RSRC1: variants seen among roughly 807,000 people sequenced by gnomAD.
RSRC1 encodes serine/Arginine-related protein 53.
A neutral mutation model predicts 49.1 loss-of-function variants in RSRC1; 39 were observed. That is an observed-to-expected ratio of 0.79 (90% CI 0.61 to 1.04). RSRC1 has a LOEUF of 1.04. RSRC1 is among the 50% of genes least tolerant of loss of function. The pLI, the probability that RSRC1 is intolerant of heterozygous loss-of-function variation, is 0.00. For synonymous variants in RSRC1, 143 were observed against 130.8 expected (o/e 1.09, Z -0.63); for missense variants, 388 against 402.4 (o/e 0.96, Z 0.31).
chr3:158,257,760 T>C (rs2108027610), intron 4 of RSRC1, among the ~76,000 whole-genome samples: 1 of 152,310 alleles, frequency 6.6e-6, no homozygotes, highest in Non-Finnish European at 1.5e-5. Context: ...ATGATTTTCT[T>C]TGGTGGTTTA....
intron 6 of RSRC1, among the ~76,000 whole-genome samples, chr3:158,395,589 C>T (rs1298872444): frequency 1.3e-5 from 2 of 152,130 alleles, no homozygotes; most frequent in African/African-American, 4.8e-5. Context: ...CTCAACTTCA[C>T]TGGTTGCTAG....
intron 6 of RSRC1, among the ~76,000 whole-genome samples, chr3:158,453,194 TATTTTCAAACTCCTGTGCACAC>T (rs545271055): frequency 0.12 from 17,683 of 150,778 alleles, 3,754 homozygotes; most frequent in African/African-American, 0.41. Context: ...CTTGTGTATA[TATTTTCAAACTCCTGTGCACAC>T]ATTTTCAAAC....
chr3:158,285,268 G>C lies in RSRC1; in HGVS notation c.495-12771G>C, dbSNP rs985472395. Reference sequence around the variant, plus strand: ...ATTGATCTATATCTCTGTTTTGGTAGCAGTACCATGCTGTTTTGGTTACTG... The same window carrying C: ...ATTGATCTATATCTCTGTTTTGGTACCAGTACCATGCTGTTTTGGTTACTG... On this transcript the variant is annotated intron_variant, in intron 4 of 9. Coordinates refer to ENST00000611884, the MANE Select transcript of RSRC1 (RefSeq NM_001271838.2). 1.6e-3 allele frequency among the ~76,000 whole-genome samples: 247 copies of C among 152,198 alleles called. 1 individual carries two copies. Among genetic ancestry groups the C allele is most frequent in the South Asian group, 2.3e-3 (11 of 4,822 alleles).
intron 3 of RSRC1, among the ~76,000 whole-genome samples, chr3:158,161,935 G>A (rs931560258): frequency 2.0e-5 from 3 of 152,062 alleles, no homozygotes; most frequent in Admixed American, 6.6e-5. Context: ...GAAGCAAATC[G>A]TATCACTGCA....
intron 3 of RSRC1, among the ~76,000 whole-genome samples, chr3:158,193,154 C>G (rs1720341978): frequency 6.6e-6 from 1 of 151,988 alleles, no homozygotes; most frequent in South Asian, 2.1e-4. Flanking sequence ...TGTCATTTTG[C>G]AGATAAGGAA....
At chr3:158,145,137 T>G (rs1175104067) in intron 3 of RSRC1, among the ~76,000 whole-genome samples, 2 of 152,208 alleles carry the variant, frequency 1.3e-5, no homozygotes, top group Non-Finnish European at 2.9e-5. Flanking sequence ...TGAGTTTAAT[T>G]AGATCCCATT....
intron 3 of RSRC1, among the ~76,000 whole-genome samples, chr3:158,167,108 G>T (rs939074771): frequency 6.6e-6 from 1 of 152,108 alleles, no homozygotes; most frequent in African/African-American, 2.4e-5. Context: ...CTTTGAGGCT[G>T]TAAATTGGAT....
At chr3:158,510,370 T>G (rs1740090599) in intron 7 of RSRC1, among the ~76,000 whole-genome samples, 1 of 152,220 alleles carries the variant, frequency 6.6e-6, no homozygotes, top group Admixed American at 6.5e-5. Context: ...TTAATTTTTA[T>G]GTATTCAAAT....
At chr3:158,543,009 T>C (rs1291281161) in intron 8 of RSRC1, among the ~76,000 whole-genome samples, 2 of 152,142 alleles carry the variant, frequency 1.3e-5, no homozygotes, top group Non-Finnish European at 2.9e-5. Context: ...TTAAGAAAAA[T>C]GTGCTTATCA....
At chr3:158,198,191 T>C (rs1026454659) in intron 3 of RSRC1, among the ~76,000 whole-genome samples, 2 of 152,160 alleles carry the variant, frequency 1.3e-5, no homozygotes, top group African/African-American at 4.8e-5. Context: ...TGGGTGCATA[T>C]ATATTTAGGA....
intron 6 of RSRC1, among the ~76,000 whole-genome samples, chr3:158,376,874 T>C (rs1178137257): frequency 6.6e-6 from 1 of 152,176 alleles, no homozygotes; most frequent in Non-Finnish European, 1.5e-5. Context: ...TTTAGACTTA[T>C]TTTTGGCCTC....
chr3:158,360,505 C>T (rs1319272126), intron 6 of RSRC1, among the ~76,000 whole-genome samples: 3 of 152,184 alleles, frequency 2.0e-5, no homozygotes, highest in African/African-American at 7.2e-5. Context: ...ACACAGGCTG[C>T]TTGCAGTAAG....
At position 158,283,865 on chromosome 3, in the gene RSRC1, C is replaced by T. The variant is rs540233999; in HGVS notation, c.495-14174C>T. 1.2e-3 allele frequency among the ~76,000 whole-genome samples: 161 copies of T among 129,182 alleles called. 1 individual carries two copies. Among genetic ancestry groups the T allele is most frequent in the African/African-American group, 4.3e-3 (146 of 34,290 alleles). The allele number at this position is 129,182 out of a possible 152,430, so 84.7% of individuals were successfully genotyped here. ...TCAGCACCTTTGCCAACAATGGAAA[C>T]GTTATCATTTGTTTTCTTTTTTTTT... On this transcript the variant is annotated intron_variant, in intron 4 of 9. Transcript: ENST00000611884.
chr3:158,473,485 G>A (rs1207631070), intron 7 of RSRC1, among the ~76,000 whole-genome samples: 1 of 152,066 alleles, frequency 6.6e-6, no homozygotes, highest in East Asian at 1.9e-4. Context: ...GACACAGGAA[G>A]GGGAACATCA....
intron 7 of RSRC1, among the ~76,000 whole-genome samples, chr3:158,490,575 A>T (rs977269336): frequency 6.6e-6 from 1 of 152,182 alleles, no homozygotes; most frequent in African/African-American, 2.4e-5. Flanking sequence ...TAGTAGTTAA[A>T]TTTTTAAAAG....
chr3:158,402,049 T>C (rs769025986), intron 6 of RSRC1, among the ~76,000 whole-genome samples: 18 of 151,830 alleles, frequency 1.2e-4, no homozygotes, highest in Non-Finnish European at 2.2e-4. Flanking sequence ...GAAAAGTTAA[T>C]GGAGAAGATG....
At chr3:158,364,368 GAGC>G (rs374917216) in intron 6 of RSRC1, among the ~76,000 whole-genome samples, 427 of 152,196 alleles carry the variant, frequency 2.8e-3, no homozygotes, top group African/African-American at 1.0e-2. Flanking sequence ...CCCCCAAAAA[GAGC>G]AGGAGATTGA....
Position 158,443,935 on chromosome 3 carries a change from A to G in RSRC1, c.584-17000A>G, listed in dbSNP as rs143020884. On this transcript the variant is annotated intron_variant, in intron 6 of 9. Coordinates refer to ENST00000611884, the MANE Select transcript of RSRC1 (RefSeq NM_001271838.2). The stretch of plus-strand genomic sequence containing the variant: ...GAGGTACAGGGAGAGGGCAAGAGAC[A>G]GAGGAACAGCCAGTTGGTGGCACAG... 4.6e-5 allele frequency among the ~76,000 whole-genome samples: 7 copies of G among 152,282 alleles called. No individual in the cohort carries two copies. The East Asian group carries it at 7.7e-4, about 17-fold the overall frequency.
intron 6 of RSRC1, among the ~76,000 whole-genome samples, chr3:158,439,638 G>A (rs938553108): frequency 2.0e-5 from 3 of 151,996 alleles, no homozygotes; most frequent in Admixed American, 6.6e-5. Context: ...CACAGGACGG[G>A]GAACATCACA....
Sources: gnomAD v4.1 joint callset for allele counts (sites outside exome capture counted in the v4.1 genomes callset) on GRCh38, gnomAD v4.1.1 for gene constraint, MANE v1.5 for transcripts, NCBI Gene and HGNC (gene_info 2026-07-23, HGNC 2026-07-21) for gene names.